Variants in PLEKHA4 observed in about 807,000 individuals in gnomAD.
PLEKHA4 encodes pleckstrin homology domain-containing family A member 4.
PLEKHA4 carries 73 observed loss-of-function variants against 94.7 expected under a neutral mutation model. The ratio of observed to expected loss-of-function variants is 0.77; its 90% CI spans 0.64 to 0.94. The LOEUF (loss-of-function observed/expected upper bound fraction) is 0.94, where lower values mean the gene tolerates loss of function less well. PLEKHA4 is among the 40% of genes least tolerant of loss of function. The probability of loss-of-function intolerance (pLI) is 0.00; values close to 1 mark genes in which losing one functional copy is unlikely to be tolerated. For missense variants in PLEKHA4, 1,049 were observed against 1,054.1 expected, an observed-to-expected ratio of 1.00 and a Z score of 0.07; for synonymous variants, 449 against 437.1, an observed-to-expected ratio of 1.03 and a Z score of -0.34.
chr19:48,854,141 C>A (rs1197733573), intron 10 of PLEKHA4, 54 bp from the exon 11 acceptor site: 15 of 1,612,584 alleles, frequency 9.3e-6, no homozygotes, highest in Non-Finnish European at 1.3e-5. Context: ...TCTTCCCCTG[C>A]CGCTCCTCCC....
chr19:48,856,227 G>A (rs1457768224), intron 9 of PLEKHA4, among the ~76,000 whole-genome samples: 1 of 149,078 alleles, frequency 6.7e-6, no homozygotes, highest in Non-Finnish European at 1.5e-5. Flanking sequence ...GAGAGAAAAA[G>A]GAAAGGAAAG....
intron 3 of PLEKHA4, among the ~76,000 whole-genome samples, chr19:48,863,245 TTTTG>T (rs939388896): frequency 3.9e-5 from 6 of 152,080 alleles, no homozygotes; most frequent in East Asian, 1.9e-4. Flanking sequence ...ACTTACTGTT[TTTTG>T]TTTGTTTGTT....
chr19:48,865,600 C>T lies in PLEKHA4; in HGVS notation c.95G>A (p.Arg32Gln). Residue 32 changes from arginine (R) to glutamine (Q), a missense_variant, in exon 3 of 20, where the codon CGG becomes CAG. By Grantham distance (43) the Arg-to-Gln change is conservative. Transcript: ENST00000263265. ...AAAGGCGTGGATCTTGTTTACTGCC[C>T]GGGTGGGCTTCTGAGGAGAGAAGGG... ...LSSLSPKKPT[R>Q]AVNKIHAFGK... is the part of the protein sequence containing the mutation. The T allele has an allele frequency of 2.5e-6, 4 of 1,613,018 alleles. No individual in the cohort carries two copies. The highest frequency in any genetic ancestry group is 1.3e-5 in the African/African-American group (1 of 74,912).
intron 3 of PLEKHA4, 108 bp downstream of exon 3, chr19:48,865,395 C>A (rs1214665954): frequency 1.8e-5 from 12 of 683,400 alleles, no homozygotes; most frequent in Non-Finnish European, 2.8e-5. Flanking sequence ...AGGGGAGGGG[C>A]AGTGATAGCA....
chr19:48,842,893 TG>T (rs2035821531), intron 16 of PLEKHA4, among the ~76,000 whole-genome samples: 1 of 152,210 alleles, frequency 6.6e-6, no homozygotes, highest in African/African-American at 2.4e-5. Context: ...TGCCATCTGG[TG>T]GTCATAGCTT....
Position 48,867,822 on chromosome 19 carries a change from C to T in PLEKHA4, c.-6-196G>A, listed in dbSNP as rs1227809899. On this transcript the variant is annotated intron_variant, in intron 1 of 19. Coordinates refer to ENST00000263265, the MANE Select transcript of PLEKHA4 (RefSeq NM_020904.3). The surrounding 1 kb of genome is among the most constrained non-coding windows in gnomAD (Gnocchi z 4.7). Reference sequence around the variant, plus strand: ...GAGAGGTAGGCGGCCCTGGCAGCTGCGGGAGGGGGCAGCTGTCTGCAGCCC... The same window carrying T: ...GAGAGGTAGGCGGCCCTGGCAGCTGTGGGAGGGGGCAGCTGTCTGCAGCCC... 2.6e-5 allele frequency among the ~76,000 whole-genome samples: 4 copies of T among 152,012 alleles called. No homozygotes were observed. Among genetic ancestry groups the T allele is most frequent in the Non-Finnish European group, 4.4e-5 (3 of 67,996 alleles).
chr19:48,845,813 C>T (rs1331984029), intron 14 of PLEKHA4, among the ~76,000 whole-genome samples, 197 bp from the exon 15 acceptor site: 3 of 151,476 alleles, frequency 2.0e-5, no homozygotes, highest in Non-Finnish European at 4.4e-5. Flanking sequence ...AGTTCCAGAC[C>T]AGCTTAGTCC....
At position 48,867,418 on chromosome 19, in the gene PLEKHA4, G is replaced by A. The variant is rs1209809192; in HGVS notation, c.84+119C>T. The A allele has an allele frequency of 2.5e-6, 3 of 1,193,458 alleles. No homozygotes were observed. The highest frequency in any genetic ancestry group is 1.5e-5 in the African/African-American group (1 of 65,726). The allele number at this position is 1,193,458 out of a possible 1,614,324, so 73.9% of individuals were successfully genotyped here. ...TGTAGGCAATTTGGGACCTTACTAT[G>A]TCTGGCAGACCCCGTTGCTAAGGAT... On this transcript the variant is annotated intron_variant, in intron 2 of 19. Coordinates refer to ENST00000263265, the MANE Select transcript of PLEKHA4 (RefSeq NM_020904.3). The surrounding 1 kb of genome is among the most constrained non-coding windows in gnomAD (Gnocchi z 4.7).
intron 8 of PLEKHA4, among the ~76,000 whole-genome samples, chr19:48,858,347 C>A (rs1214210175): frequency 6.6e-6 from 1 of 152,086 alleles, no homozygotes; most frequent in Non-Finnish European, 1.5e-5. Flanking sequence ...CTGGGCCAGG[C>A]GCGGTGGCTC....
At chr19:48,865,015 G>A (rs1458088590) in intron 3 of PLEKHA4, among the ~76,000 whole-genome samples, 1 of 152,136 alleles carries the variant, frequency 6.6e-6, no homozygotes, top group African/African-American at 2.4e-5. Flanking sequence ...CTGGGATTGG[G>A]AACACTGTAA....
chr19:48,839,350 G>T, intron 17 of PLEKHA4, 87 bp from the exon 18 acceptor site: 1 of 862,036 alleles, frequency 1.2e-6, no homozygotes. Context: ...CTCCAAAAGA[G>T]AATGAAATTG....
At chr19:48,840,496 G>C (rs1568532964) in intron 17 of PLEKHA4, among the ~76,000 whole-genome samples, 1 of 146,824 alleles carries the variant, frequency 6.8e-6, no homozygotes, top group Non-Finnish European at 1.5e-5. Flanking sequence ...CAAAATCTTA[G>C]CTCACCACAA....
chr19:48,856,949 GAGAAAGAA>G (rs111377309), intron 9 of PLEKHA4, among the ~76,000 whole-genome samples: 3 of 141,048 alleles, frequency 2.1e-5, no homozygotes, highest in South Asian at 2.3e-4. Context: ...GAAAAAGAAA[GAGAAAGAA>G]AGAAAGAAAG....
At chr19:48,857,060 T>C (rs1399220441) in intron 9 of PLEKHA4, among the ~76,000 whole-genome samples, 1 of 151,940 alleles carries the variant, frequency 6.6e-6, no homozygotes, top group East Asian at 1.9e-4. Context: ...AGGAAGATCA[T>C]CATGGGATGA....
chr19:48,852,927 C>T (rs10414228), intron 12 of PLEKHA4, among the ~76,000 whole-genome samples: 1,953 of 151,446 alleles, frequency 0.013, 16 homozygotes, highest in South Asian at 0.029. Context: ...AGCAAGAATC[C>T]GTCTCAAAAA....
rs764638986 is a variant in PLEKHA4 at position 48,858,847 on chromosome 19, CCT to C, written c.972+11_972+12del. On this transcript the variant is annotated intron_variant, in intron 8 of 19. Coordinates refer to ENST00000263265, the MANE Select transcript of PLEKHA4 (RefSeq NM_020904.3). ...GGGAAACGTAGTCCCCTCCTTCTCA[CCT>C]CTCTGCTCACCTGTGTTCTGGGCTC... 2 of 1,613,420 alleles carry C rather than the reference CCT, an allele frequency of 1.2e-6. No homozygotes were observed. The highest frequency in any genetic ancestry group is 8.5e-7 in the Non-Finnish European group (1 of 1,179,804).
At position 48,867,749 on chromosome 19, in the gene PLEKHA4, G is replaced by T; in HGVS notation, c.-6-123C>A. 1 of 896,410 alleles carries T rather than the reference G, an allele frequency of 1.1e-6. No homozygotes were observed. The highest frequency in any genetic ancestry group is 1.7e-6 in the Non-Finnish European group (1 of 583,106). 55.5% of individuals were successfully genotyped at this position (896,410 alleles called of 1,614,324 possible). Reference sequence around the variant, plus strand: ...GAGCCTGTTGTTTCGGGACTTGGGGGGCTGGGGGAGGCCATGGCCCGTGAC... The same window carrying T: ...GAGCCTGTTGTTTCGGGACTTGGGGTGCTGGGGGAGGCCATGGCCCGTGAC... On this transcript the variant is annotated intron_variant, in intron 1 of 19. Transcript: ENST00000263265. This position sits in a 1 kb window ranked among gnomAD's most constrained non-coding sequence, Gnocchi z 4.7.
chr19:48,851,031 C>A (rs1352683955), intron 13 of PLEKHA4, among the ~76,000 whole-genome samples: 1 of 151,856 alleles, frequency 6.6e-6, no homozygotes, highest in African/African-American at 2.4e-5. Flanking sequence ...ATCCCAGGTA[C>A]TTGGGAGGCT....
Position 48,837,966 on chromosome 19 carries a change from C to T in PLEKHA4, c.2077+51G>A, listed in dbSNP as rs777657463. The T allele has an allele frequency of 6.8e-7, 1 of 1,467,232 alleles. No individual in the cohort carries two copies. The highest frequency in any genetic ancestry group is 9.5e-7 in the Non-Finnish European group (1 of 1,053,450). 90.9% of individuals were successfully genotyped at this position (1,467,232 alleles called of 1,614,324 possible). A position where few individuals can be genotyped will look rare whatever the true frequency, so the allele number is the denominator to read the frequency against. On this transcript the variant is annotated intron_variant, in intron 19 of 19. Coordinates refer to ENST00000263265, the MANE Select transcript of PLEKHA4 (RefSeq NM_020904.3). The surrounding 1 kb of genome is among the most constrained non-coding windows in gnomAD (Gnocchi z 4.3). The stretch of plus-strand genomic sequence containing the variant: ...CTCCAGGACCTGGGATTCCAGGTCT[C>T]CAGCTCTCTCCTCCCTAAAACCCAG...
Sources: gnomAD v4.1 joint callset for allele counts (sites outside exome capture counted in the v4.1 genomes callset) on GRCh38, gnomAD v4.1.1 for gene constraint, Gnocchi (gnomAD v3.1) non-coding constraint, MANE v1.5 for transcripts, NCBI Gene and HGNC (gene_info 2026-07-23, HGNC 2026-07-21) for gene names.